MIER1: variants seen among roughly 807,000 people sequenced by gnomAD.
The protein encoded by MIER1 is MIER1 transcriptional regulator.
Under a neutral mutation model 75.7 loss-of-function variants are expected in MIER1, and 40 were observed. That is an observed-to-expected ratio of 0.53 (90% CI 0.41 to 0.69). The LOEUF (loss-of-function observed/expected upper bound fraction) is 0.69, where lower values mean the gene tolerates loss of function less well. MIER1 is among the 30% of genes least tolerant of loss of function. MIER1 has a pLI of 0.00. For missense variants in MIER1, 574 were observed against 680.2 expected (o/e 0.84, Z 1.74); for synonymous variants, 213 against 223.4 (o/e 0.95, Z 0.42).
At chr1:66,980,220 A>AT (rs1665609200) in intron 12 of MIER1, among the ~76,000 whole-genome samples, 1 of 152,114 alleles carries the variant, frequency 6.6e-6, no homozygotes, top group South Asian at 2.1e-4. Flanking sequence ...TTGTTATGTA[A>AT]TTTTTCTATA....
chr1:66,929,117 ATAAT>A (rs1346552058), intron 2 of MIER1: 1 of 658,906 alleles, frequency 1.5e-6, no homozygotes, highest in Admixed American at 2.7e-5. Flanking sequence ...GGGAATATAA[ATAAT>A]TTAATAGCCT....
In MIER1 at chr1:66,985,167, GTTCA is replaced by G; in HGVS notation, c.*272_*275del. ...CTACCTTCTCATTTGAATATCTTTA[GTTCA>G]TTCAGATTTACTAATTTTGGTAAAT... On this transcript the variant is annotated 3_prime_UTR_variant, in exon 14 of 14. Transcript: ENST00000401041. 9.9e-7 allele frequency: 1 copy of G among 1,007,036 alleles called. No individual in the cohort carries two copies. 62.4% of individuals were successfully genotyped at this position (1,007,036 alleles called of 1,614,324 possible). A position where few individuals can be genotyped will look rare whatever the true frequency, so the allele number is the denominator to read the frequency against.
Position 66,925,018 on chromosome 1 carries a change from G to GCTGCAGGCGGATGGATGGGGCTT in MIER1, c.-8_15dup. ...CCCCTCCCAGGCTCTGAGTCTCCCG[G>GCTGCAGGCGGATGGATGGGGCTT]CTGCAGGCGGATGGATGGGGCTTCT... On this transcript the variant is annotated 5_prime_UTR_variant, in exon 1 of 14. It adds an upstream start codon to the 5' untranslated region. Transcript: ENST00000401041. The GCTGCAGGCGGATGGATGGGGCTT allele has an allele frequency of 1.3e-6, 2 of 1,546,158 alleles. No individual in the cohort carries two copies. Among genetic ancestry groups the GCTGCAGGCGGATGGATGGGGCTT allele is most frequent in the Non-Finnish European group, 1.7e-6 (2 of 1,145,278 alleles).
intron 5 of MIER1, 146 bp downstream of exon 5, chr1:66,958,366 T>C (rs1466035255): frequency 1.5e-5 from 8 of 548,976 alleles, no homozygotes; most frequent in Non-Finnish European, 2.3e-5. Context: ...ATACATAATA[T>C]AAAAATTGGA....
intron 7 of MIER1, among the ~76,000 whole-genome samples, chr1:66,961,257 T>G (rs1186871893): frequency 6.6e-6 from 1 of 152,202 alleles, no homozygotes; most frequent in African/African-American, 2.4e-5. Flanking sequence ...TTATAGAAAC[T>G]TAAGGTAGGG....
chr1:66,956,461 A>G (rs186693020), intron 4 of MIER1, among the ~76,000 whole-genome samples: 2 of 152,128 alleles, frequency 1.3e-5, no homozygotes, highest in African/African-American at 4.8e-5. Flanking sequence ...CTACACTTCT[A>G]TCTCTTATTT....
At chr1:66,925,290 T>C (rs1651271192) in intron 1 of MIER1, 195 bp downstream of exon 1, 2 of 984,820 alleles carry the variant, frequency 2.0e-6, no homozygotes, top group East Asian at 1.1e-4. Flanking sequence ...CAAAGGCGCA[T>C]GCGCAGCTTC....
At chr1:66,942,856 A>G (rs1656568676) in intron 3 of MIER1, among the ~76,000 whole-genome samples, 1 of 152,194 alleles carries the variant, frequency 6.6e-6, no homozygotes. Flanking sequence ...AAGTCTTCAT[A>G]TATAATTGGC....
At chr1:66,962,876 G>A (rs577222368) in intron 7 of MIER1, among the ~76,000 whole-genome samples, 30 of 151,960 alleles carry the variant, frequency 2.0e-4, no homozygotes, top group African/African-American at 5.6e-4. Context: ...TATTGTTTAC[G>A]TTGCATTTCA....
At chr1:66,979,344 C>T (rs1665437432) in intron 12 of MIER1, among the ~76,000 whole-genome samples, 2 of 152,262 alleles carry the variant, frequency 1.3e-5, no homozygotes, top group African/African-American at 4.8e-5. Flanking sequence ...TCTCATCCTT[C>T]TTTTTAGGTC....
intron 12 of MIER1, among the ~76,000 whole-genome samples, chr1:66,980,589 C>G (rs1665682580): frequency 6.6e-6 from 1 of 152,154 alleles, no homozygotes; most frequent in Non-Finnish European, 1.5e-5. Context: ...TCCACTGTTT[C>G]CTTCTTATTT....
chr1:66,926,285 A>G, intron 2 of MIER1, 43 bp downstream of exon 2: 1 of 1,386,986 alleles, frequency 7.2e-7, no homozygotes, highest in Non-Finnish European at 1.0e-6. Flanking sequence ...GGAAAATCCA[A>G]ACTCCCTCAA....
intron 5 of MIER1, among the ~76,000 whole-genome samples, chr1:66,958,474 T>TA (rs11322381): frequency 6.6e-6 from 1 of 151,760 alleles, no homozygotes; most frequent in African/African-American, 2.4e-5. Flanking sequence ...ACCAACTTTC[T>TA]AAAAAAATGC....
intron 4 of MIER1, among the ~76,000 whole-genome samples, chr1:66,954,358 G>A (rs1659650153): frequency 2.0e-5 from 3 of 152,144 alleles, no homozygotes. Flanking sequence ...CGTAAAACTA[G>A]AGAAAGTAGG....
chr1:66,939,842 G>A (rs1432573872), intron 2 of MIER1, among the ~76,000 whole-genome samples, 186 bp from the exon 3 acceptor site: 3 of 152,066 alleles, frequency 2.0e-5, no homozygotes, highest in African/African-American at 7.2e-5. Flanking sequence ...TAAATATAAT[G>A]AAAGGGAAGG....
chr1:66,930,276 G>C (rs781439612), intron 2 of MIER1: 87 of 1,528,692 alleles, frequency 5.7e-5, no homozygotes, highest in Non-Finnish European at 7.1e-5. Flanking sequence ...AGGCAGTGGC[G>C]GCGGGAGCGG....
chr1:66,935,946 A>G (rs116230829), intron 2 of MIER1, among the ~76,000 whole-genome samples: 6,930 of 152,156 alleles, frequency 0.046, 188 homozygotes, highest in Middle Eastern at 0.085. Flanking sequence ...ATGGACTTTA[A>G]ATGTTTTTCT....
At chr1:66,963,910 G>A (rs1661777968) in intron 8 of MIER1, among the ~76,000 whole-genome samples, 1 of 150,974 alleles carries the variant, frequency 6.6e-6, no homozygotes, top group Non-Finnish European at 1.5e-5. Context: ...TCCGTCTGAG[G>A]AAAAAAATAA....
rs146432130 is a variant in MIER1 at position 66,951,607 on chromosome 1, GT to G, written c.339+5313del. Reference sequence around the variant, plus strand: ...TTTAAGTTAATTTTTTAGAGACAGGGTCTCGTTCTGTCGCTCTGGCTGGAGT... The same window carrying G: ...TTTAAGTTAATTTTTTAGAGACAGGGCTCGTTCTGTCGCTCTGGCTGGAGT... On this transcript the variant is annotated intron_variant, in intron 4 of 13. Transcript: ENST00000401041. Among the ~76,000 whole-genome samples, 1,435 of 151,652 alleles carry G rather than the reference GT, an allele frequency of 9.5e-3. 11 individuals carry two copies. Among genetic ancestry groups the G allele is most frequent in the Middle Eastern group, 0.031 (9 of 294 alleles).
Sources: gnomAD v4.1 joint callset for allele counts (sites outside exome capture counted in the v4.1 genomes callset) on GRCh38, gnomAD v4.1.1 for gene constraint, MANE v1.5 for transcripts, NCBI Gene and HGNC (gene_info 2026-07-23, HGNC 2026-07-21) for gene names.